The following CAPRIN1 variants were observed in gnomAD, a reference collection of about 807,000 sequenced individuals.
The protein encoded by CAPRIN1 is caprin-1.
In CAPRIN1, 29 loss-of-function variants were observed where a neutral mutation model predicts 100.9. That is an observed-to-expected ratio of 0.29 (90% CI 0.21 to 0.39). CAPRIN1 has a LOEUF of 0.39. CAPRIN1 is among the 10% of genes least tolerant of loss of function. The pLI is 1.00. For synonymous variants in CAPRIN1, 338 were observed against 307.5 expected, an observed-to-expected ratio of 1.10 and a Z score of -1.04; for missense variants, 795 against 876.7, an observed-to-expected ratio of 0.91 and a Z score of 1.18.
intron 12 of CAPRIN1, 129 bp from the exon 13 acceptor site, chr11:34,090,050 A>G (rs1050992564): frequency 3.3e-5 from 17 of 520,382 alleles, no homozygotes; most frequent in African/African-American, 3.1e-4. Flanking sequence ...GAGAGATGGT[A>G]ATATTAATTT....
In CAPRIN1 at chr11:34,082,805, A is replaced by G; in HGVS notation, c.827-20A>G. ...TGACCTAAAAATCCTTTTGTTTTGCACCATTTTTTAACCTCTTAGAACCTG... is the reference window on the plus strand; with the variant it reads ...TGACCTAAAAATCCTTTTGTTTTGCGCCATTTTTTAACCTCTTAGAACCTG... On this transcript the variant is annotated intron_variant, in intron 7 of 18. Transcript: ENST00000341394. 6.2e-7 allele frequency: 1 copy of G among 1,608,650 alleles called. No homozygotes were observed. Among genetic ancestry groups the G allele is most frequent in the Middle Eastern group, 2.1e-4 (1 of 4,856 alleles).
chr11:34,096,940 A>G (rs1462036751), intron 16 of CAPRIN1, among the ~76,000 whole-genome samples: 1 of 152,200 alleles, frequency 6.6e-6, no homozygotes, highest in African/African-American at 2.4e-5. Flanking sequence ...CACATTACCA[A>G]AACTTACGGG....
chr11:34,052,371 C>T (rs199791486), intron 1 of CAPRIN1, 50 bp from the exon 2 acceptor site: 3 of 1,469,818 alleles, frequency 2.0e-6, no homozygotes, highest in East Asian at 4.6e-5. Context: ...CCTGACTGGC[C>T]GCTCTTGTCC....
chr11:34,075,559 C>CAGAAA (rs1850889684), intron 4 of CAPRIN1, among the ~76,000 whole-genome samples: 1 of 152,238 alleles, frequency 6.6e-6, no homozygotes, highest in African/African-American at 2.4e-5. Context: ...GCACTCTTTT[C>CAGAAA]AGTAAGATGG....
Position 34,099,456 on chromosome 11 carries a change from C to T in CAPRIN1, c.*89C>T. The T allele has an allele frequency of 8.8e-7, 1 of 1,131,404 alleles. No individual in the cohort carries two copies. Among genetic ancestry groups the T allele is most frequent in the Non-Finnish European group, 1.3e-6 (1 of 753,214 alleles). The allele number at this position is 1,131,404 out of a possible 1,614,324, so 70.1% of individuals were successfully genotyped here. A position where few individuals can be genotyped will look rare whatever the true frequency, so the allele number is the denominator to read the frequency against. On this transcript the variant is annotated 3_prime_UTR_variant, in exon 19 of 19. Coordinates refer to ENST00000341394, the MANE Select transcript of CAPRIN1 (RefSeq NM_005898.5). ...CCAGAAGAGTTATTATCTATTTGTT[C>T]TCCCTTTCAGGAAACTTATTGTAAA...
chr11:34,077,304 C>G (rs1224153925), intron 6 of CAPRIN1, among the ~76,000 whole-genome samples: 1 of 152,174 alleles, frequency 6.6e-6, no homozygotes, highest in Non-Finnish European at 1.5e-5. Context: ...TAGATAGGGA[C>G]TGTTTGTTTT....
chr11:34,082,314 A>T (rs552570632), intron 7 of CAPRIN1, among the ~76,000 whole-genome samples: 2 of 152,038 alleles, frequency 1.3e-5, no homozygotes, highest in East Asian at 3.9e-4. Flanking sequence ...CAGCCTCCTG[A>T]GTAGCTGGGA....
chr11:34,065,667 T>G (rs1850674410), intron 2 of CAPRIN1, among the ~76,000 whole-genome samples: 1 of 152,224 alleles, frequency 6.6e-6, no homozygotes, highest in Non-Finnish European at 1.5e-5. Context: ...GGTGATAAAG[T>G]TCTTTGTATA....
At position 34,052,277 on chromosome 11, in the gene CAPRIN1, A is replaced by G. The variant is rs1336756135; in HGVS notation, c.1-144A>G. 7.6e-5 allele frequency: 51 copies of G among 673,044 alleles called. No homozygotes were observed. The East Asian group carries it at 1.6e-3, about 21-fold the overall frequency. 41.7% of individuals were successfully genotyped at this position (673,044 alleles called of 1,614,324 possible). On this transcript the variant is annotated intron_variant, in intron 1 of 18. Transcript: ENST00000341394. ...CGCCCGCGCACTCTTCCTGCCCTCG[A>G]GGCGCGCCGCGCCCCCTCCCCCACC...
chr11:34,065,001 C>T (rs1590724226), intron 2 of CAPRIN1, among the ~76,000 whole-genome samples: 1 of 147,088 alleles, frequency 6.8e-6, no homozygotes, highest in East Asian at 2.0e-4. Flanking sequence ...GCTCTGTTGC[C>T]CAGGCTGGAG....
intron 2 of CAPRIN1, 81 bp downstream of exon 2, chr11:34,052,717 G>C (rs112762776): frequency 6.8e-7 from 1 of 1,469,104 alleles, no homozygotes; most frequent in Non-Finnish European, 9.2e-7. Flanking sequence ...TGGAGCCTTC[G>C]CTTCTTTTCG....
chr11:34,071,454 A>G (rs943834306), intron 2 of CAPRIN1, among the ~76,000 whole-genome samples: 1 of 152,144 alleles, frequency 6.6e-6, no homozygotes, highest in African/African-American at 2.4e-5. Flanking sequence ...AATCCCAGCT[A>G]CTTTAGGGGC....
intron 2 of CAPRIN1, chr11:34,053,248 A>C (rs1371736063): frequency 3.0e-6 from 2 of 667,760 alleles, no homozygotes; most frequent in Non-Finnish European, 3.7e-6. Context: ...CCCCGCGCCC[A>C]TGCGATGGGC....
intron 2 of CAPRIN1, among the ~76,000 whole-genome samples, chr11:34,057,463 G>C (rs1850476132): frequency 1.3e-5 from 2 of 152,098 alleles, no homozygotes; most frequent in Non-Finnish European, 2.9e-5. Flanking sequence ...CTACCCATGT[G>C]GCAGATATTT....
chr11:34,063,726 T>C (rs78274290), intron 2 of CAPRIN1, among the ~76,000 whole-genome samples: 2,594 of 152,288 alleles, frequency 0.017, 52 homozygotes, highest in African/African-American at 0.059. Flanking sequence ...GAACTCTAAA[T>C]TGAATTTCAA....
chr11:34,095,450 T>C (rs959987713), intron 15 of CAPRIN1, among the ~76,000 whole-genome samples: 1 of 152,242 alleles, frequency 6.6e-6, no homozygotes, highest in Non-Finnish European at 1.5e-5. Context: ...TGGCTCTCTC[T>C]TTTTCTCTAG....
chr11:34,072,900 C>A (rs1435540767), intron 4 of CAPRIN1, among the ~76,000 whole-genome samples: 1 of 152,134 alleles, frequency 6.6e-6, no homozygotes, highest in Non-Finnish European at 1.5e-5. Flanking sequence ...ATATAAATAC[C>A]TCTGTGTTAC....
chr11:34,074,499 A>G (rs934688406), intron 4 of CAPRIN1, among the ~76,000 whole-genome samples: 19 of 152,302 alleles, frequency 1.2e-4, no homozygotes, highest in Admixed American at 2.6e-4. Flanking sequence ...TTCATACAGA[A>G]TAGCTTTCTT....
intron 2 of CAPRIN1, among the ~76,000 whole-genome samples, chr11:34,069,007 C>T (rs535886380): frequency 2.6e-5 from 4 of 151,964 alleles, no homozygotes; most frequent in African/African-American, 7.3e-5. Flanking sequence ...TTCTTTTGTT[C>T]AGTAATAATG....
Sources: allele counts gnomAD v4.1 joint callset (sites outside exome capture counted in the v4.1 genomes callset), GRCh38; gene constraint gnomAD v4.1.1; transcripts MANE v1.5; gene names NCBI Gene and HGNC (gene_info 2026-07-23, HGNC 2026-07-21).